The following GDPD5 variants were observed in gnomAD, a reference collection of about 807,000 sequenced individuals.
GDPD5 encodes the protein glycerophosphodiester phosphodiesterase domain containing 5, also known as glycerophosphodiester phosphodiesterase 2.
In GDPD5, 48 loss-of-function variants were observed where a neutral mutation model predicts 75.1. That is an observed-to-expected ratio of 0.64 (90% CI 0.51 to 0.81). The LOEUF (loss-of-function observed/expected upper bound fraction) is 0.81. GDPD5 is among the 40% of genes least tolerant of loss of function. The pLI is 0.00. For missense variants in GDPD5, 706 were observed against 822.6 expected (o/e 0.86, Z 1.73); for synonymous variants, 336 against 339.0 (o/e 0.99, Z 0.10).
chr11:75,439,860 G>A lies in GDPD5; in HGVS notation c.1556+19C>T, dbSNP rs1188137585. ...CTGCAGGGTAGGGACAGCCACGGAA[G>A]TGGTCAGATCCTACTCACTTCTGGA... On this transcript the variant is annotated intron_variant, in intron 15 of 16. Transcript: ENST00000336898. The A allele has an allele frequency of 6.2e-7, 1 of 1,604,300 alleles. No individual in the cohort carries two copies. The highest frequency in any genetic ancestry group is 8.5e-7 in the Non-Finnish European group (1 of 1,171,312).
chr11:75,487,561 A>G (rs1950041123), intron 2 of GDPD5, among the ~76,000 whole-genome samples: 1 of 152,200 alleles, frequency 6.6e-6, no homozygotes, highest in South Asian at 2.1e-4. Flanking sequence ...ATCATGCCAT[A>G]ATTAAGGTCA....
At position 75,449,615 on chromosome 11, in the gene GDPD5, T is replaced by A; in HGVS notation, c.475-5A>T. On this transcript the variant is annotated splice_polypyrimidine_tract_variant and splice_region_variant and intron_variant, in intron 7 of 16. Coordinates refer to ENST00000336898, the MANE Select transcript of GDPD5 (RefSeq NM_030792.8). ...ATGCAGGAATGGCGCTGTGCCCTGT[T>A]TGCAGGGAGAGGGAAGGGAGACCAG... is the stretch of plus-strand genomic sequence containing the variant. 6.4e-7 allele frequency: 1 copy of A among 1,570,580 alleles called. No individual in the cohort carries two copies. Among genetic ancestry groups the A allele is most frequent in the Non-Finnish European group, 8.6e-7 (1 of 1,157,520 alleles).
rs377353889 is a variant in GDPD5 at position 75,449,532 on chromosome 11, G to A, written c.553C>T (p.Arg185Cys). The change falls in exon 8 of 17, where the codon CGC becomes TGC. Residue 185 changes from arginine to cysteine, a missense_variant. Arg to Cys is a radical substitution (Grantham distance 180). Coordinates refer to ENST00000336898, the MANE Select transcript of GDPD5 (RefSeq NM_030792.8). ...TTCTACTCACAGGTCCGCTCTGCGC[G>A]GGCGAACTGTCCTGCCACGATCCAG... ...LSWIVAGQFA[R>C]AERTSSQVTI... 4.0e-5 allele frequency: 63 copies of A among 1,579,030 alleles called. No homozygotes were observed. In the East Asian group the frequency reaches 5.3e-4, roughly 13 times the overall value.
chr11:75,475,539 A>G (rs1209277602), intron 3 of GDPD5, among the ~76,000 whole-genome samples: 1 of 152,076 alleles, frequency 6.6e-6, no homozygotes, highest in African/African-American at 2.4e-5. Flanking sequence ...CTGCCTCAGG[A>G]AGGAATAGAG....
chr11:75,512,556 A>G lies in GDPD5; in HGVS notation c.-145+12654T>C, dbSNP rs556164436. 4.6e-5 allele frequency among the ~76,000 whole-genome samples: 7 copies of G among 152,328 alleles called. No individual in the cohort carries two copies. In the East Asian group the frequency reaches 9.6e-4, roughly 21 times the overall value. On this transcript the variant is annotated intron_variant, in intron 1 of 16. Transcript: ENST00000336898. ...CATTGTTCAGAGGAAGAAAGTGATCAATCTCTTTTGCAAAGGTTTCCAACC... is the reference window on the plus strand; with the variant it reads ...CATTGTTCAGAGGAAGAAAGTGATCGATCTCTTTTGCAAAGGTTTCCAACC...
rs78959798 is a variant in GDPD5, at chr11:75,493,337, T to C, written c.-144-3017A>G. ...GTGACCTGTAATCCTAAACATTCGC[T>C]CCTAACACCTCTAAGGCCCTAGTTA... On this transcript the variant is annotated intron_variant, in intron 1 of 16. Coordinates refer to ENST00000336898, the MANE Select transcript of GDPD5 (RefSeq NM_030792.8). Among the ~76,000 whole-genome samples the C allele has an allele frequency of 3.1e-3, 468 of 151,552 alleles. 10 individuals carry two copies. The East Asian group carries it at 0.058, about 19-fold the overall frequency.
Position 75,444,411 on chromosome 11 carries a change from A to G in GDPD5, c.797+2T>C, listed in dbSNP as rs1233714516. ...GAACTATCTCCCCTCCGCTACACCT[A>G]CCTGATGGTAATGTCAGCCTGGAGC... is the stretch of plus-strand genomic sequence containing the variant. On this transcript the variant is annotated splice_donor_variant, in intron 10 of 16. Coordinates refer to ENST00000336898, the MANE Select transcript of GDPD5 (RefSeq NM_030792.8). LOFTEE classifies it high-confidence loss of function. 2 of 1,610,214 alleles carry G rather than the reference A, an allele frequency of 1.2e-6. No homozygotes were observed. The highest frequency in any genetic ancestry group is 1.7e-6 in the Non-Finnish European group (2 of 1,176,796).
chr11:75,448,329 C>T (rs540443979), intron 9 of GDPD5, among the ~76,000 whole-genome samples: 1 of 152,338 alleles, frequency 6.6e-6, no homozygotes, highest in South Asian at 2.1e-4. Flanking sequence ...CACATGCTAA[C>T]TCCTGCTCCT....
intron 6 of GDPD5, 38 bp from the exon 7 acceptor site, chr11:75,450,021 G>A (rs748002894): frequency 1.1e-5 from 17 of 1,559,716 alleles, no homozygotes; most frequent in East Asian, 6.7e-5. Context: ...GGCTCAGAGC[G>A]GGTGGGAGGG....
chr11:75,481,618 G>T (rs989334519), intron 2 of GDPD5, among the ~76,000 whole-genome samples: 23 of 151,708 alleles, frequency 1.5e-4, no homozygotes, highest in Non-Finnish European at 2.6e-4. Context: ...CTATACTCCA[G>T]ATTTGGGGAG....
At chr11:75,523,213 A>G (rs1466794715) in intron 1 of GDPD5, among the ~76,000 whole-genome samples, 2 of 152,182 alleles carry the variant, frequency 1.3e-5, no homozygotes, top group Non-Finnish European at 2.9e-5. Context: ...AGAGGGATGA[A>G]GTGATTTGCT....
At chr11:75,440,853 G>A (rs752515379) in intron 14 of GDPD5, among the ~76,000 whole-genome samples, 6 of 152,170 alleles carry the variant, frequency 3.9e-5, no homozygotes, top group East Asian at 1.9e-4. Flanking sequence ...CCCCACGCCC[G>A]GTCAATGCTT....
chr11:75,502,068 A>G (rs1950313529), intron 1 of GDPD5, among the ~76,000 whole-genome samples: 2 of 152,240 alleles, frequency 1.3e-5, no homozygotes, highest in East Asian at 3.9e-4. Flanking sequence ...AGCCTCTCAT[A>G]TTGCTGCCTG....
Position 75,462,872 on chromosome 11 carries a change from GAACC to G in GDPD5, c.131_134del (p.Trp44SerfsTer48), listed in dbSNP as rs1565195660. On this transcript the variant is annotated frameshift_variant, in exon 4 of 17. Transcript: ENST00000336898. LOFTEE classifies it high-confidence loss of function. ...GGCCAAAGGTGAAGGTGAGGAGCAG[GAACC>G]AGAGGCGCTCCCACTGGAAGAGCAG... The G allele has an allele frequency of 6.2e-7, 1 of 1,613,974 alleles. No homozygotes were observed. Among genetic ancestry groups the G allele is most frequent in the Non-Finnish European group, 8.5e-7 (1 of 1,179,936 alleles).
intron 6 of GDPD5, among the ~76,000 whole-genome samples, chr11:75,452,604 G>A (rs142335783): frequency 2.6e-5 from 4 of 152,344 alleles, no homozygotes; most frequent in Admixed American, 2.6e-4. Context: ...GGCACACACA[G>A]GAGGTGCTCA....
chr11:75,497,566 G>A (rs765898282), intron 1 of GDPD5, among the ~76,000 whole-genome samples: 1 of 152,130 alleles, frequency 6.6e-6, no homozygotes, highest in Non-Finnish European at 1.5e-5. Flanking sequence ...GCGCCTGCAG[G>A]TGCCCCAGGC....
chr11:75,459,422 G>A (rs1308036596), intron 4 of GDPD5, among the ~76,000 whole-genome samples: 1 of 150,756 alleles, frequency 6.6e-6, no homozygotes, highest in African/African-American at 2.4e-5. Flanking sequence ...TCCCATCTCA[G>A]CCTCCCCAGT....
intron 3 of GDPD5, among the ~76,000 whole-genome samples, chr11:75,466,474 G>A (rs1174362271): frequency 6.6e-6 from 1 of 152,140 alleles, no homozygotes; most frequent in Non-Finnish European, 1.5e-5. Flanking sequence ...TTACAGCAGA[G>A]AGAGGCCTGC....
At chr11:75,443,040 G>T in intron 11 of GDPD5, 96 bp downstream of exon 11, 1 of 1,396,566 alleles carries the variant, frequency 7.2e-7, no homozygotes, top group South Asian at 1.2e-5. Flanking sequence ...CTGAGAGTGG[G>T]GGTCTCGAAG....
Sources: allele counts gnomAD v4.1 joint callset (sites outside exome capture counted in the v4.1 genomes callset), GRCh38; gene constraint gnomAD v4.1.1; transcripts MANE v1.5; gene names NCBI Gene and HGNC (gene_info 2026-07-23, HGNC 2026-07-21).